Variants in SUCLG1 observed in about 807,000 individuals in gnomAD.
SUCLG1 encodes the protein succinate--CoA ligase [ADP/GDP-forming] subunit alpha, mitochondrial.
A neutral mutation model predicts 37.3 loss-of-function variants in SUCLG1; 26 were observed. That is an observed-to-expected ratio of 0.70 (90% CI 0.51 to 0.97). SUCLG1 has a LOEUF of 0.97. Ranked by LOEUF, SUCLG1 falls within the 50% of genes least tolerant of loss-of-function variation. SUCLG1 has a pLI of 0.00. For missense variants in SUCLG1, 433 were observed against 432.9 expected (o/e 1.00, Z 0.00); for synonymous variants, 163 against 155.6 (o/e 1.05, Z -0.36).
At chr2:84,444,450 G>A (rs1672817551) in intron 2 of SUCLG1, among the ~76,000 whole-genome samples, 1 of 152,058 alleles carries the variant, frequency 6.6e-6, no homozygotes, top group Non-Finnish European at 1.5e-5. Context: ...GTACAAATAG[G>A]GTGTGGGTCA....
intron 1 of SUCLG1, among the ~76,000 whole-genome samples, chr2:84,452,851 AG>A (rs1672961196): frequency 6.6e-6 from 1 of 152,190 alleles, no homozygotes; most frequent in African/African-American, 2.4e-5. Context: ...GACAAGAAAC[AG>A]GGTCTCCAAA....
intron 7 of SUCLG1, among the ~76,000 whole-genome samples, chr2:84,429,079 C>G (rs1672577694): frequency 6.6e-6 from 1 of 152,194 alleles, no homozygotes; most frequent in Non-Finnish European, 1.5e-5. Flanking sequence ...AGAAAGGCAG[C>G]AGCAGATCAT....
chr2:84,430,470 T>C lies in SUCLG1; in HGVS notation c.825+1038A>G, dbSNP rs1233302921. ...GAGAATGAGAGAATGAGGGTAAACC[T>C]GAGTCATATCTAATATGGGAGTTAG... On this transcript the variant is annotated intron_variant, in intron 7 of 8. Coordinates refer to ENST00000393868, the MANE Select transcript of SUCLG1 (RefSeq NM_003849.4). 2.0e-5 allele frequency among the ~76,000 whole-genome samples: 3 copies of C among 152,192 alleles called. No individual in the cohort carries two copies. In the East Asian group the frequency reaches 5.8e-4, roughly 29 times the overall value.
chr2:84,442,445 A>G lies in SUCLG1; in HGVS notation c.318+839T>C, dbSNP rs191672146. Among the ~76,000 whole-genome samples the G allele has an allele frequency of 6.7e-4, 102 of 152,328 alleles. 1 individual carries two copies. The highest frequency in any genetic ancestry group is 5.3e-4 in the Non-Finnish European group (36 of 68,032). On this transcript the variant is annotated intron_variant, in intron 3 of 8. Transcript: ENST00000393868. Reference sequence around the variant, plus strand: ...CCTAGATTTTTAAAATTAAATACCCAAGAATTTACACTATAGTTTCTTTTA... The same window carrying G: ...CCTAGATTTTTAAAATTAAATACCCGAGAATTTACACTATAGTTTCTTTTA...
At chr2:84,431,953 T>G (rs1197472623) in intron 6 of SUCLG1, among the ~76,000 whole-genome samples, 2 of 152,230 alleles carry the variant, frequency 1.3e-5, no homozygotes, top group East Asian at 3.8e-4. Flanking sequence ...AAGCCTCTTC[T>G]GTCCCACAAA....
At chr2:84,431,433 A>G in intron 7 of SUCLG1, 75 bp downstream of exon 7, 1 of 1,593,460 alleles carries the variant, frequency 6.3e-7, no homozygotes, top group Non-Finnish European at 8.6e-7. Context: ...CACCTTTGAA[A>G]AAATAAAAAT....
intron 2 of SUCLG1, among the ~76,000 whole-genome samples, chr2:84,447,407 T>C (rs1365967146): frequency 1.3e-5 from 2 of 152,236 alleles, no homozygotes; most frequent in South Asian, 2.1e-4. Context: ...AACTATCACC[T>C]TATTTAGAAT....
At chr2:84,425,107 A>G (rs1672512895) in intron 8 of SUCLG1, among the ~76,000 whole-genome samples, 1 of 152,210 alleles carries the variant, frequency 6.6e-6, no homozygotes, top group Non-Finnish European at 1.5e-5. Context: ...GCTACCTTCC[A>G]AACTCTCAAA....
At chr2:84,449,319 C>G (rs995512738) in intron 2 of SUCLG1, among the ~76,000 whole-genome samples, 1 of 152,152 alleles carries the variant, frequency 6.6e-6, no homozygotes, top group Middle Eastern at 3.4e-3. Flanking sequence ...TCTAGTTGAC[C>G]TAGTGCTTAG....
chr2:84,441,250 G>C lies in SUCLG1; in HGVS notation c.528C>G (p.Ile176Met). The change falls in exon 4 of 9, where the codon ATC (isoleucine) becomes ATG (methionine). Residue 176 changes from isoleucine to methionine, a missense_variant. Transcript: ENST00000393868. ...RLIGPNCPGV[I>M]NPGECKIGIM... is the part of the protein sequence containing the mutation. ...CTTTTTGTTTTTTTGCACTCACATT[G>C]ATGACTCCAGGGCAGTTGGGCCCAA... 6.2e-7 allele frequency: 1 copy of C among 1,614,064 alleles called. No individual in the cohort carries two copies. Among genetic ancestry groups the C allele is most frequent in the Non-Finnish European group, 8.5e-7 (1 of 1,180,012 alleles).
chr2:84,449,865 T>C (rs907230806), intron 1 of SUCLG1, 113 bp from the exon 2 acceptor site: 7 of 734,452 alleles, frequency 9.5e-6, no homozygotes, highest in Non-Finnish European at 1.6e-5. Flanking sequence ...ATGCACGCGC[T>C]ATCCTGTGAT....
chr2:84,458,053 C>T (rs1283969476), intron 1 of SUCLG1, among the ~76,000 whole-genome samples: 1 of 151,374 alleles, frequency 6.6e-6, no homozygotes, highest in East Asian at 1.9e-4. Context: ...AAGAGCAAAG[C>T]GGAAAAAGAA....
At chr2:84,453,038 T>C (rs558888714) in intron 1 of SUCLG1, among the ~76,000 whole-genome samples, 3 of 152,216 alleles carry the variant, frequency 2.0e-5, no homozygotes, top group Middle Eastern at 3.2e-3. Context: ...GCATGGAAGT[T>C]CGGCCCTAAA....
At chr2:84,458,724 C>A (rs559934742) in intron 1 of SUCLG1, among the ~76,000 whole-genome samples, 1 of 152,266 alleles carries the variant, frequency 6.6e-6, no homozygotes, top group East Asian at 1.9e-4. Context: ...CCTTTCCGTA[C>A]TAGGGACAGC....
At chr2:84,456,932 G>A (rs1159858701) in intron 1 of SUCLG1, among the ~76,000 whole-genome samples, 1 of 152,158 alleles carries the variant, frequency 6.6e-6, no homozygotes, top group Non-Finnish European at 1.5e-5. Context: ...AAAGTGCTGG[G>A]ATTACAGGCA....
Position 84,433,399 on chromosome 2 carries a change from G to T in SUCLG1, c.626C>A (p.Ala209Glu), listed in dbSNP as rs570210229. ...VSRSGTLTYE[A>E]VHQTTQVGLG... is the part of the protein sequence containing the mutation. ...TCCAACTTGCGTTGTTTGGTGAACT[G>T]CTTCATAAGTCAGGGTGCCAGATCT... Residue 209 changes from alanine to glutamate, a missense_variant, in exon 6 of 9, where the codon GCA (alanine) becomes GAA (glutamate). Coordinates refer to ENST00000393868, the MANE Select transcript of SUCLG1 (RefSeq NM_003849.4). 6.2e-6 allele frequency: 10 copies of T among 1,613,924 alleles called. No individual in the cohort carries two copies. The Admixed American group carries it at 8.3e-5, about 13-fold the overall frequency.
At chr2:84,431,482 CTA>C (rs1205285230) in intron 7 of SUCLG1, 24 bp downstream of exon 7, 17 of 1,613,496 alleles carry the variant, frequency 1.1e-5, no homozygotes, top group South Asian at 2.2e-5. Context: ...GAGCAAAGAG[CTA>C]TGTTTTTCCA....
At chr2:84,459,083 G>A (rs1673101193) in intron 1 of SUCLG1, 90 bp downstream of exon 1, 1 of 1,359,158 alleles carries the variant, frequency 7.4e-7, no homozygotes, top group African/African-American at 1.5e-5. Flanking sequence ...GTCCAGCCCT[G>A]AGGGCCCAGC....
At chr2:84,435,438 A>G (rs575346644) in intron 5 of SUCLG1, among the ~76,000 whole-genome samples, 1 of 152,330 alleles carries the variant, frequency 6.6e-6, no homozygotes, top group Non-Finnish European at 1.5e-5. Flanking sequence ...CATTCATTGA[A>G]TGGTTCACTA....
Sources: allele counts gnomAD v4.1 joint callset (sites outside exome capture counted in the v4.1 genomes callset), GRCh38; gene constraint gnomAD v4.1.1; transcripts MANE v1.5; gene names NCBI Gene and HGNC (gene_info 2026-07-23, HGNC 2026-07-21).